TMCO5A: variants seen among roughly 807,000 people sequenced by gnomAD.
TMCO5A encodes transmembrane and coiled-coil domain-containing protein 5A.
Under a neutral mutation model 42.3 loss-of-function variants are expected in TMCO5A, and 34 were observed. The ratio of observed to expected loss-of-function variants is 0.80; its 90% CI spans 0.61 to 1.07. The LOEUF is 1.07. TMCO5A is among the 50% of genes least tolerant of loss of function. The pLI is 0.00. For synonymous variants in TMCO5A, 131 were observed against 115.6 expected, an observed-to-expected ratio of 1.13 and a Z score of -0.86; for missense variants, 357 against 327.9, an observed-to-expected ratio of 1.09 and a Z score of -0.69.
chr15:38,017,295 G>A, the TMCO5A span, among the ~76,000 whole-genome samples: 1 of 152,134 alleles, frequency 6.6e-6, no homozygotes, highest in Non-Finnish European at 1.5e-5. Context: ...TGATGGAGGA[G>A]TGCATAGTTT....
At chr15:38,027,790 G>A in the TMCO5A span, among the ~76,000 whole-genome samples, 4 of 152,248 alleles carry the variant, frequency 2.6e-5, no homozygotes, top group Non-Finnish European at 5.9e-5. Context: ...TAGTGAGTGA[G>A]TTCTCACCAG....
chr15:38,012,523 C>CGTGT, the TMCO5A span, among the ~76,000 whole-genome samples: 2,256 of 149,312 alleles, frequency 0.015, 45 homozygotes, highest in African/African-American at 0.052. Context: ...TAGGAGTAGT[C>CGTGT]GTGTGTGTGT....
intron 8 of TMCO5A, 151 bp downstream of exon 8, chr15:37,941,881 C>G: frequency 1.5e-6 from 1 of 675,698 alleles, no homozygotes; most frequent in Non-Finnish European, 2.6e-6. Context: ...CCCCACCTCA[C>G]TATCAATATC....
At chr15:38,005,255 T>A in the TMCO5A span, among the ~76,000 whole-genome samples, 2 of 118,696 alleles carry the variant, frequency 1.7e-5, no homozygotes, top group Admixed American at 9.1e-5. Flanking sequence ...TGGAAAACAG[T>A]ACTTGACAGA....
At chr15:37,975,358 G>A in the TMCO5A span, among the ~76,000 whole-genome samples, 1 of 152,114 alleles carries the variant, frequency 6.6e-6, no homozygotes, top group Non-Finnish European at 1.5e-5. Context: ...TACTATTACT[G>A]TTTGGTTATC....
intron 7 of TMCO5A, 107 bp downstream of exon 7, chr15:37,941,312 A>G: frequency 8.5e-7 from 1 of 1,173,580 alleles, no homozygotes; most frequent in Non-Finnish European, 1.2e-6. Context: ...TTCCAGATCC[A>G]AGACCATGAT....
At chr15:38,023,043 A>T in the TMCO5A span, among the ~76,000 whole-genome samples, 1 of 152,212 alleles carries the variant, frequency 6.6e-6, no homozygotes, top group African/African-American at 2.4e-5. Context: ...CAGTGGCTTT[A>T]GTTGATGCTC....
chr15:37,963,757 G>A (rs1205568333), intron 11 of TMCO5A, among the ~76,000 whole-genome samples: 1 of 152,064 alleles, frequency 6.6e-6, no homozygotes, highest in Admixed American at 6.6e-5. Context: ...TATATGTTTA[G>A]GATTGTGATA....
chr15:37,986,978 C>T, the TMCO5A span, among the ~76,000 whole-genome samples: 1 of 152,032 alleles, frequency 6.6e-6, no homozygotes, highest in South Asian at 2.1e-4. Flanking sequence ...TAAGGAACCA[C>T]CATACTGTTT....
chr15:37,963,002 C>A (rs2140817644), intron 11 of TMCO5A, among the ~76,000 whole-genome samples: 1 of 151,956 alleles, frequency 6.6e-6, no homozygotes, highest in Non-Finnish European at 1.5e-5. Context: ...CTTTTTGTTT[C>A]ATTTATCTTT....
chr15:37,966,419 A>G (rs879340253), intron 11 of TMCO5A, among the ~76,000 whole-genome samples: 2 of 152,134 alleles, frequency 1.3e-5, no homozygotes, highest in Admixed American at 1.3e-4. Context: ...GCTTGAGGAG[A>G]TGGGTACATC....
the TMCO5A span, among the ~76,000 whole-genome samples, chr15:38,002,395 A>C: frequency 6.6e-6 from 1 of 150,908 alleles, no homozygotes; most frequent in Non-Finnish European, 1.5e-5. Context: ...AAGTTCTGTT[A>C]TTTTCTCTTT....
chr15:37,955,838 A>G (rs1468927292), downstream of TMCO5A, among the ~76,000 whole-genome samples: 2 of 152,088 alleles, frequency 1.3e-5, no homozygotes, highest in Admixed American at 6.6e-5. Context: ...TGACCACATA[A>G]TTGGAAGTAA....
At chr15:38,009,531 G>A in the TMCO5A span, among the ~76,000 whole-genome samples, 5 of 152,170 alleles carry the variant, frequency 3.3e-5, no homozygotes, top group Admixed American at 1.3e-4. Flanking sequence ...TTAAAAAGAC[G>A]TTTCAATTTG....
At chr15:38,022,763 G>GTATATGGGAAATCTCTA in the TMCO5A span, among the ~76,000 whole-genome samples, 2 of 152,086 alleles carry the variant, frequency 1.3e-5, no homozygotes, top group African/African-American at 4.8e-5. Flanking sequence ...GGAGGCAGGG[G>GTATATGGGAAATCTCTA]TATATGGGAA....
the TMCO5A span, among the ~76,000 whole-genome samples, chr15:38,000,424 G>A: frequency 1.3e-5 from 2 of 150,860 alleles, no homozygotes; most frequent in African/African-American, 2.4e-5. Context: ...TTCTTAATCT[G>A]GCTAAAAGTT....
chr15:37,964,594 T>C lies in TMCO5A; in HGVS notation c.669-2031T>C, dbSNP rs564373374. 2.2e-4 allele frequency among the ~76,000 whole-genome samples: 33 copies of C among 152,236 alleles called. 1 individual carries two copies. The Middle Eastern group carries it at 0.02, about 94-fold the overall frequency. On this transcript the variant is annotated intron_variant, in intron 11 of 11. Transcript: ENST00000559502. ...CCACCATGATGACCTGTCCCCACTT[T>C]GTGAAAATCAGTAGTGTTTCTATAT...
Position 37,963,225 on chromosome 15 carries a change from A to G in TMCO5A, c.669-3400A>G, listed in dbSNP as rs1337703551. On this transcript the variant is annotated intron_variant, in intron 11 of 11. Coordinates refer to the TMCO5A transcript ENST00000559502. ...TTCCTCTTAGCACCACCTTTGCTGTATCTCAGATGTTTTGACAGGTTGTGT... is the reference window on the plus strand; with the variant it reads ...TTCCTCTTAGCACCACCTTTGCTGTGTCTCAGATGTTTTGACAGGTTGTGT... Among the ~76,000 whole-genome samples the G allele has an allele frequency of 2.0e-5, 3 of 152,030 alleles. No individual in the cohort carries two copies. The East Asian group carries it at 5.8e-4, about 29-fold the overall frequency.
chr15:37,970,529 T>C (rs116770224), downstream of TMCO5A, among the ~76,000 whole-genome samples: 2,441 of 152,290 alleles, frequency 0.016, 74 homozygotes, highest in African/African-American at 0.055. Flanking sequence ...TTAAAACCAA[T>C]CATGCCTTTC....
Sources: allele counts gnomAD v4.1 joint callset (sites outside exome capture counted in the v4.1 genomes callset), GRCh38; gene constraint gnomAD v4.1.1; transcripts MANE v1.5; gene names NCBI Gene and HGNC (gene_info 2026-07-23, HGNC 2026-07-21).